ARID1B: variants seen among roughly 807,000 people sequenced by gnomAD.
ARID1B encodes the protein AT-rich interaction domain 1B, also known as AT-rich interactive domain-containing protein 1B.
Under a neutral mutation model 212.3 loss-of-function variants are expected in ARID1B, and 30 were observed. The ratio of observed to expected loss-of-function variants is 0.14; its 90% confidence interval spans 0.11 to 0.19. ARID1B has a LOEUF of 0.19. Among genes scored for constraint, ARID1B ranks in the 10% least tolerant of loss-of-function variants. The pLI is 1.00. For synonymous variants in ARID1B, 1,402 were observed against 1,301.7 expected (o/e 1.08, Z -1.66); for missense variants, 2,891 against 3,204.0 (o/e 0.90, Z 2.36).
chr6:157,112,873 G>A (rs1036177991), intron 6 of ARID1B, among the ~76,000 whole-genome samples: 2 of 151,358 alleles, frequency 1.3e-5, no homozygotes, highest in Non-Finnish European at 2.9e-5. Context: ...TGTAGTTTGG[G>A]TAACTGATAC....
chr6:157,117,883 C>T (rs1787429684), intron 6 of ARID1B, among the ~76,000 whole-genome samples: 1 of 152,174 alleles, frequency 6.6e-6, no homozygotes, highest in South Asian at 2.1e-4. Context: ...TTCCCAGATG[C>T]ATTTCCATGA....
At chr6:156,835,587 A>G (rs1783454620) in intron 2 of ARID1B, among the ~76,000 whole-genome samples, 1 of 152,276 alleles carries the variant, frequency 6.6e-6, no homozygotes, top group African/African-American at 2.4e-5. Context: ...TTCTAAGCTT[A>G]TATACAGTAT....
rs530728488 is a variant in ARID1B at position 157,039,119 on chromosome 6, C to A, written c.2248-45543C>A. ...CTCCTCGCCTCAAGTGATCCCTGGTCTTGGCCTCCCAAAGAGTAGTGTTGG... is the reference window on the plus strand; with the variant it reads ...CTCCTCGCCTCAAGTGATCCCTGGTATTGGCCTCCCAAAGAGTAGTGTTGG... On this transcript the variant is annotated intron_variant, in intron 4 of 19. Transcript: ENST00000636930. 1.4e-4 allele frequency among the ~76,000 whole-genome samples: 22 copies of A among 152,142 alleles called. 1 individual carries two copies. In the South Asian group the frequency reaches 4.6e-3, roughly 32 times the overall value.
At chr6:156,951,204 C>G (rs886403275) in intron 4 of ARID1B, among the ~76,000 whole-genome samples, 1 of 152,074 alleles carries the variant, frequency 6.6e-6, no homozygotes, top group Non-Finnish European at 1.5e-5. Context: ...ATTTATAACC[C>G]TTGTGCTTCC....
At position 157,025,092 on chromosome 6, in the gene ARID1B, C is replaced by T. The variant is rs111304913; in HGVS notation, c.2248-59570C>T. Among the ~76,000 whole-genome samples the T allele has an allele frequency of 5.5e-3, 844 of 152,298 alleles. 14 individuals are homozygous for T. Among genetic ancestry groups the T allele is most frequent in the African/African-American group, 0.02 (815 of 41,558 alleles). On this transcript the variant is annotated intron_variant, in intron 4 of 19. Coordinates refer to ENST00000636930, the MANE Select transcript of ARID1B (RefSeq NM_001374828.1). ...TAACAAAGAATTTTAGTAAATGATT[C>T]CTTTCTTACTCCAAAGCAAAAAACT...
chr6:157,030,837 G>A (rs2128494217), intron 4 of ARID1B, among the ~76,000 whole-genome samples: 1 of 152,278 alleles, frequency 6.6e-6, no homozygotes, highest in South Asian at 2.1e-4. Context: ...TTGGGTCCCT[G>A]TATAGAGACA....
intron 4 of ARID1B, among the ~76,000 whole-genome samples, chr6:157,073,124 A>C (rs1784091648): frequency 7.0e-6 from 1 of 143,492 alleles, no homozygotes; most frequent in South Asian, 2.2e-4. Flanking sequence ...TTTTTTGGAG[A>C]CACAGCCTCA....
chr6:157,006,191 C>T (rs551356828), intron 4 of ARID1B, among the ~76,000 whole-genome samples: 1 of 152,202 alleles, frequency 6.6e-6, no homozygotes, highest in African/African-American at 2.4e-5. Context: ...CATCTGGAAC[C>T]ATCTCTGAGC....
chr6:157,152,648 CAT>C lies in ARID1B; in HGVS notation c.3089+3698_3089+3699del, dbSNP rs771814152. ...AAGCAGAAGCTTGAATCTGAGAAAACATGTGTATGACATGTTTTAGTGCTCTG... is the reference window on the plus strand; with the variant it reads ...AAGCAGAAGCTTGAATCTGAGAAAACGTGTATGACATGTTTTAGTGCTCTG... On this transcript the variant is annotated intron_variant, in intron 8 of 19. Transcript: ENST00000636930. Among the ~76,000 whole-genome samples the C allele has an allele frequency of 5.9e-5, 9 of 152,250 alleles. No individual in the cohort carries two copies. The South Asian group carries it at 8.3e-4, about 14-fold the overall frequency.
chr6:156,821,003 G>A (rs1283101782), intron 1 of ARID1B, among the ~76,000 whole-genome samples: 2 of 152,194 alleles, frequency 1.3e-5, no homozygotes, highest in East Asian at 1.9e-4. Context: ...CACCTCTTCA[G>A]TGTTTTCATT....
At chr6:157,125,679 C>T (rs78735543) in intron 6 of ARID1B, among the ~76,000 whole-genome samples, 4,762 of 152,294 alleles carry the variant, frequency 0.031, 262 homozygotes, top group African/African-American at 0.11. Flanking sequence ...ACCTGTGCTG[C>T]TTTTATTCTC....
chr6:156,821,839 A>C (rs1379161204), intron 1 of ARID1B, among the ~76,000 whole-genome samples: 1 of 152,188 alleles, frequency 6.6e-6, no homozygotes, highest in East Asian at 1.9e-4. Flanking sequence ...TTGCTTAAGA[A>C]AACCAAAACC....
intron 8 of ARID1B, among the ~76,000 whole-genome samples, chr6:157,156,929 C>T (rs569588595): frequency 9.8e-5 from 15 of 152,292 alleles, no homozygotes; most frequent in South Asian, 8.3e-4. Context: ...ATCAGAAGCT[C>T]GAGTCTGCGC....
chr6:157,080,986 A>G (rs902146071), intron 4 of ARID1B, among the ~76,000 whole-genome samples: 2 of 152,252 alleles, frequency 1.3e-5, no homozygotes, highest in African/African-American at 2.4e-5. Flanking sequence ...CTTAATAGCA[A>G]GATTTCACCA....
chr6:156,798,806 A>G (rs1365976388), intron 1 of ARID1B, among the ~76,000 whole-genome samples: 1 of 152,214 alleles, frequency 6.6e-6, no homozygotes, highest in Non-Finnish European at 1.5e-5. Flanking sequence ...TTGTGTGGCG[A>G]AAATCTTGGG....
intron 4 of ARID1B, among the ~76,000 whole-genome samples, chr6:157,007,162 A>T (rs925721054): frequency 2.0e-5 from 3 of 152,238 alleles, no homozygotes; most frequent in Non-Finnish European, 4.4e-5. Context: ...CATGGAAGGG[A>T]CGTAATTTAA....
rs371887036 is a variant in ARID1B, at chr6:156,814,445, G to A, written c.1792-14782G>A. Among the ~76,000 whole-genome samples the A allele has an allele frequency of 2.2e-4, 34 of 152,244 alleles. 1 individual carries two copies. The highest frequency in any genetic ancestry group is 6.7e-4 in the African/African-American group (28 of 41,524). ...TGTAAAGTACATCTGGTCTCCACAG[G>A]GGACTTCTTTTAAGTTCAAGGTGTC... On this transcript the variant is annotated intron_variant, in intron 1 of 19. Transcript: ENST00000636930.
intron 5 of ARID1B, among the ~76,000 whole-genome samples, chr6:157,097,480 A>G (rs1444353226): frequency 2.0e-5 from 3 of 151,508 alleles, no homozygotes; most frequent in Non-Finnish European, 3.0e-5. Context: ...GGGCACAGCA[A>G]GCGCTCACGT....
rs755793592 is a variant in ARID1B at position 157,206,683 on chromosome 6, C to T, written c.5911C>T (p.Pro1971Ser). ...AATTCCTCCTCGCAGGCGCCCACCT[C>T]CCCCCTTAAGCTCCGCAGGTAGAAA... ...MEIPPRRRPP[P>S]PLSSAGRKKE... Residue 1971 changes from proline to serine, a missense_variant, in exon 20 of 20, where the codon CCC (proline) becomes TCC (serine). By Grantham distance (74) the Pro-to-Ser change is moderately conservative. Transcript: ENST00000636930. This position sits in a 1 kb window ranked among gnomAD's most constrained non-coding sequence, Gnocchi z 6.8. 6 of 1,612,772 alleles carry T rather than the reference C, an allele frequency of 3.7e-6. No individual in the cohort carries two copies. The highest frequency in any genetic ancestry group is 5.1e-6 in the Non-Finnish European group (6 of 1,179,984).
Sources: gnomAD v4.1 joint callset for allele counts (sites outside exome capture counted in the v4.1 genomes callset) on GRCh38, gnomAD v4.1.1 for gene constraint, Gnocchi (gnomAD v3.1) non-coding constraint, MANE v1.5 for transcripts, NCBI Gene and HGNC (gene_info 2026-07-23, HGNC 2026-07-21) for gene names.